The following RGS6 variants were observed in gnomAD, a reference collection of about 807,000 sequenced individuals.
RGS6 encodes regulator of G-protein signaling 6.
Under a neutral mutation model 78.5 loss-of-function variants are expected in RGS6, and 30 were observed. That is an observed-to-expected ratio of 0.38 (90% CI 0.29 to 0.52). The LOEUF is 0.52. Among genes scored for constraint, RGS6 ranks in the 20% least tolerant of loss-of-function variants. RGS6 has a pLI of 0.85. For missense variants in RGS6, 495 were observed against 609.7 expected (o/e 0.81, Z 1.98); for synonymous variants, 206 against 206.0 (o/e 1.00, Z 0.00).
the RGS6 span, chr14:71,908,256 A>G: frequency 6.6e-6 from 1 of 152,262 alleles, no homozygotes; most frequent in South Asian, 2.1e-4. Context: ...ATGTTTGCCA[A>G]GGCAGCAAAA....
At chr14:72,023,387 A>G (rs2089145944) in intron 2 of RGS6, among the ~76,000 whole-genome samples, 1 of 152,148 alleles carries the variant, frequency 6.6e-6, no homozygotes, top group African/African-American at 2.4e-5. Context: ...AGTCATCAGT[A>G]GGGACTCCAT....
At position 72,349,152 on chromosome 14, in the gene RGS6, T is replaced by C. The variant is rs761554754; in HGVS notation, c.85-2943T>C. Among the ~76,000 whole-genome samples the C allele has an allele frequency of 1.4e-3, 218 of 152,142 alleles. 2 individuals are homozygous for C. Among genetic ancestry groups the C allele is most frequent in the Non-Finnish European group, 7.1e-4 (48 of 67,994 alleles). ...ACTGCACTCCAGCCTGGGTGAAGAG[T>C]GAGACTCCGTCTCAAAAAATATATA... On this transcript the variant is annotated intron_variant, in intron 2 of 17. Transcript: ENST00000553525.
intron 3 of RGS6, among the ~76,000 whole-genome samples, chr14:72,426,688 T>C (rs1474068245): frequency 6.6e-6 from 1 of 152,248 alleles, no homozygotes; most frequent in East Asian, 1.9e-4. Context: ...GTTTGTCCCA[T>C]CATATTCCTA....
the RGS6 span, among the ~76,000 whole-genome samples, chr14:71,917,068 T>C: frequency 6.6e-6 from 1 of 152,138 alleles, no homozygotes; most frequent in South Asian, 2.1e-4. Context: ...GGTCATCACT[T>C]TGGGACTGCA....
At chr14:72,424,862 A>C (rs2094367588) in intron 3 of RGS6, among the ~76,000 whole-genome samples, 1 of 152,192 alleles carries the variant, frequency 6.6e-6, no homozygotes. Flanking sequence ...GTCTTTCAAT[A>C]GAGTGGAATG....
intron 2 of RGS6, among the ~76,000 whole-genome samples, chr14:72,023,776 C>T (rs1385808132): frequency 3.3e-5 from 5 of 152,066 alleles, no homozygotes; most frequent in Admixed American, 6.6e-5. Flanking sequence ...GAGACCTGGT[C>T]CTGGAGTATT....
At chr14:72,024,492 TG>T (rs941423241) in intron 2 of RGS6, among the ~76,000 whole-genome samples, 37 of 152,328 alleles carry the variant, frequency 2.4e-4, no homozygotes, top group African/African-American at 7.7e-4. Flanking sequence ...ATGCTGCCCT[TG>T]CTTCCATATT....
intron 2 of RGS6, among the ~76,000 whole-genome samples, chr14:71,978,822 A>C (rs1259206702): frequency 6.6e-6 from 1 of 151,870 alleles, no homozygotes; most frequent in Non-Finnish European, 1.5e-5. Flanking sequence ...TGATTGGAAT[A>C]GTTTCAGAAG....
chr14:72,562,966 T>G lies in RGS6; in HGVS notation c.*499T>G. On this transcript the variant is annotated 3_prime_UTR_variant, in exon 18 of 18. Transcript: ENST00000553525. ...ACTACATCCCCACCGCCGCCTGTCA[T>G]CCCTCACGTCTCTGTGGCCACCCGG... 1 of 599,682 alleles carries G rather than the reference T, an allele frequency of 1.7e-6. No homozygotes were observed. Among genetic ancestry groups the G allele is most frequent in the South Asian group, 2.0e-5 (1 of 51,050 alleles). The allele number at this position is 599,682 out of a possible 1,614,324, so 37.1% of individuals were successfully genotyped here. A position where few individuals can be genotyped will look rare whatever the true frequency, so the allele number is the denominator to read the frequency against.
chr14:72,562,045 C>A (rs1329722231), intron 17 of RGS6, among the ~76,000 whole-genome samples: 1 of 152,236 alleles, frequency 6.6e-6, no homozygotes, highest in Non-Finnish European at 1.5e-5. Context: ...CCAAGTCCAC[C>A]TTTTCCTCCC....
the RGS6 span, among the ~76,000 whole-genome samples, chr14:71,911,997 C>T: frequency 2.9e-3 from 448 of 152,240 alleles, 2 homozygotes; most frequent in African/African-American, 9.7e-3. Context: ...AACATCTAAA[C>T]GCATTAAAAT....
chr14:71,889,295 TG>T, the RGS6 span, among the ~76,000 whole-genome samples: 1 of 152,100 alleles, frequency 6.6e-6, no homozygotes, highest in African/African-American at 2.4e-5. Context: ...GGGAAGTACA[TG>T]GTGACCAACA....
chr14:72,376,770 G>A (rs139236215), intron 3 of RGS6, among the ~76,000 whole-genome samples: 205 of 152,172 alleles, frequency 1.3e-3, no homozygotes, highest in Non-Finnish European at 1.9e-3. Flanking sequence ...AAAAATTTTC[G>A]CAGACAAGCA....
chr14:72,414,046 C>T (rs2093623449), intron 3 of RGS6, among the ~76,000 whole-genome samples: 1 of 152,120 alleles, frequency 6.6e-6, no homozygotes, highest in Admixed American at 6.5e-5. Context: ...AATTATGTGT[C>T]TTGGAGTTGC....
chr14:72,021,947 A>AG (rs748631301), intron 2 of RGS6, among the ~76,000 whole-genome samples: 6 of 151,722 alleles, frequency 4.0e-5, no homozygotes, highest in Admixed American at 2.6e-4. Flanking sequence ...ACCCTCAAGT[A>AG]GACCCCAGTG....
At chr14:72,627,951 G>T in the RGS6 span, among the ~76,000 whole-genome samples, 1 of 152,050 alleles carries the variant, frequency 6.6e-6, no homozygotes, top group Admixed American at 6.6e-5. Flanking sequence ...ATATGAGAAG[G>T]CTGTTAATTA....
intron 3 of RGS6, among the ~76,000 whole-genome samples, chr14:72,366,178 C>T (rs568728291): frequency 3.9e-5 from 6 of 152,116 alleles, no homozygotes; most frequent in East Asian, 1.9e-4. Flanking sequence ...AATTTTCCCA[C>T]CAATATGTAA....
At chr14:72,307,295 ACTTG>A (rs146358199) in intron 2 of RGS6, among the ~76,000 whole-genome samples, 2,914 of 152,242 alleles carry the variant, frequency 0.019, 93 homozygotes, top group African/African-American at 0.068. Context: ...AATTCATGTG[ACTTG>A]CTTTATTTTG....
intron 2 of RGS6, among the ~76,000 whole-genome samples, chr14:72,219,715 A>G (rs555469981): frequency 6.6e-6 from 1 of 152,286 alleles, no homozygotes; most frequent in East Asian, 1.9e-4. Flanking sequence ...ACTCAAATAT[A>G]TCAACCTTCC....
Sources: allele counts gnomAD v4.1 joint callset (sites outside exome capture counted in the v4.1 genomes callset), GRCh38; gene constraint gnomAD v4.1.1; transcripts MANE v1.5; gene names NCBI Gene and HGNC (gene_info 2026-07-23, HGNC 2026-07-21).